Variants in CDKN1A observed in about 807,000 individuals in gnomAD.
The protein encoded by CDKN1A is cyclin-dependent kinase inhibitor 1.
In CDKN1A, 14 loss-of-function variants were observed where a neutral mutation model predicts 14.8. The observed-to-expected ratio is 0.94, with a 90% CI of 0.62 to 1.48. The LOEUF is 1.48. Ranked by LOEUF, CDKN1A falls within the 40% of genes most tolerant of loss-of-function variation. The pLI is 0.00. For missense variants in CDKN1A, 203 were observed against 231.7 expected, an observed-to-expected ratio of 0.88 and a Z score of 0.80; for synonymous variants, 92 against 93.5, an observed-to-expected ratio of 0.98 and a Z score of 0.09.
Position 36,678,874 on chromosome 6 carries a change from C to G in CDKN1A, c.-6+76C>G. On this transcript the variant is annotated intron_variant, in intron 1 of 2. Coordinates refer to ENST00000244741, the MANE Select transcript of CDKN1A (RefSeq NM_000389.5). The surrounding 1 kb of genome is among the most constrained non-coding windows in gnomAD (Gnocchi z 5.7). ...CCGAGCCAAGCGTGCCCGCGTGTGT[C>G]CCTGCGTGTCCGCGAGGATGCGTGT... is the stretch of plus-strand genomic sequence containing the variant. 1.0e-6 allele frequency: 1 copy of G among 985,774 alleles called. No individual in the cohort carries two copies. The highest frequency in any genetic ancestry group is 1.2e-6 in the Non-Finnish European group (1 of 830,176). The allele number at this position is 985,774 out of a possible 1,614,324, so 61.1% of individuals were successfully genotyped here.
In CDKN1A at chr6:36,684,431, T is replaced by C. The variant is rs1449350765; in HGVS notation, c.330T>C (p.His110=). ...TGCAGGGGACAGCAGAGGAAGACCA[T>C]GTGGACCTGTCACTGTCTTGTACCC... is the stretch of plus-strand genomic sequence containing the variant. ...ALLQGTAEED[H]VDLSLSCTLV... Residue 110 remains histidine (H), a synonymous_variant, in exon 2 of 3, where the codon CAT becomes CAC. Coordinates refer to ENST00000244741, the MANE Select transcript of CDKN1A (RefSeq NM_000389.5). This position sits in a 1 kb window ranked among gnomAD's most constrained non-coding sequence, Gnocchi z 6.0. The C allele has an allele frequency of 1.9e-6, 3 of 1,613,762 alleles. No homozygotes were observed. The highest frequency in any genetic ancestry group is 2.5e-6 in the Non-Finnish European group (3 of 1,179,938).
At position 36,683,233 on chromosome 6, in the gene CDKN1A, C is replaced by G. The variant is rs1190319516; in HGVS notation, c.-5-864C>G. Among the ~76,000 whole-genome samples the G allele has an allele frequency of 2.0e-5, 3 of 152,308 alleles. No homozygotes were observed. In the East Asian group the frequency reaches 5.8e-4, roughly 29 times the overall value. On this transcript the variant is annotated intron_variant, in intron 1 of 2. Transcript: ENST00000244741. Reference sequence around the variant, plus strand: ...TCTGAGACAGTCACTATTACTATCCCCATTTTATAGATGAGGAAACTAGAG... The same window carrying G: ...TCTGAGACAGTCACTATTACTATCCGCATTTTATAGATGAGGAAACTAGAG...
intron 1 of CDKN1A, among the ~76,000 whole-genome samples, chr6:36,681,293 T>G (rs867702416): frequency 8.6e-6 from 1 of 115,694 alleles, no homozygotes; most frequent in African/African-American, 3.3e-5. Flanking sequence ...TCTTTCTTTC[T>G]TTCTTTCTTT....
Position 36,687,164 on chromosome 6 carries a change from G to T in CDKN1A, c.*1364G>T, listed in dbSNP as rs1324648171. ...TCCAGCTCCTGTAACATACTGGCCT[G>T]GACTGTTTTCTCTCGGCTCCCCATG... On this transcript the variant is annotated 3_prime_UTR_variant, in exon 3 of 3. Transcript: ENST00000244741. 1 of 233,256 alleles carries T rather than the reference G, an allele frequency of 4.3e-6. No homozygotes were observed. Among genetic ancestry groups the T allele is most frequent in the Non-Finnish European group, 8.5e-6 (1 of 118,220 alleles). 14.4% of individuals were successfully genotyped at this position (233,256 alleles called of 1,614,324 possible).
In CDKN1A at chr6:36,684,031, C is replaced by A; in HGVS notation, c.-5-66C>A. On this transcript the variant is annotated intron_variant, in intron 1 of 2. Transcript: ENST00000244741. The surrounding 1 kb of genome is among the most constrained non-coding windows in gnomAD (Gnocchi z 6.0). ...CGTCACCTGAGGTGACACAGCAAAGCCCGGCCAGGTAACATAGTGTCTAAT... is the reference window on the plus strand; with the variant it reads ...CGTCACCTGAGGTGACACAGCAAAGACCGGCCAGGTAACATAGTGTCTAAT... 6.7e-7 allele frequency: 1 copy of A among 1,502,782 alleles called. No individual in the cohort carries two copies. The highest frequency in any genetic ancestry group is 9.1e-7 in the Non-Finnish European group (1 of 1,097,488). 93.1% of individuals were successfully genotyped at this position (1,502,782 alleles called of 1,614,324 possible).
Position 36,687,278 on chromosome 6 carries a change from T to C in CDKN1A, c.*1478T>C, listed in dbSNP as rs941154808. 14 of 233,026 alleles carry C rather than the reference T, an allele frequency of 6.0e-5. No individual in the cohort carries two copies. The highest frequency in any genetic ancestry group is 1.1e-4 in the Non-Finnish European group (13 of 117,916). The allele number at this position is 233,026 out of a possible 1,614,324, so 14.4% of individuals were successfully genotyped here. A position where few individuals can be genotyped will look rare whatever the true frequency, so the allele number is the denominator to read the frequency against. On this transcript the variant is annotated 3_prime_UTR_variant, in exon 3 of 3. Coordinates refer to ENST00000244741, the MANE Select transcript of CDKN1A (RefSeq NM_000389.5). ...ACTGTTCTGTGTCTTTCACAGCTCC[T>C]CCCACAATGCTGAATATACAGCAGG...
At chr6:36,681,379 TTC>T (rs1562038361) in intron 1 of CDKN1A, among the ~76,000 whole-genome samples, 2 of 90,876 alleles carry the variant, frequency 2.2e-5, no homozygotes, top group South Asian at 3.9e-4. Flanking sequence ...CTTTCTTTCT[TTC>T]TTTCTTTCTT....
intron 1 of CDKN1A, among the ~76,000 whole-genome samples, chr6:36,682,177 C>T (rs142071403): frequency 1.3e-5 from 2 of 152,336 alleles, no homozygotes; most frequent in Middle Eastern, 3.4e-3. Context: ...CACTTATGAA[C>T]TGTGTGATGT....
rs1378686749 is a variant in CDKN1A, at chr6:36,684,117, G to A, written c.16G>A (p.Gly6Arg). The change falls in exon 2 of 3, where the codon GGG (glycine) becomes AGG (arginine). Residue 6 changes from glycine (G) to arginine (R), a missense_variant. Transcript: ENST00000244741. The surrounding 1 kb of genome is among the most constrained non-coding windows in gnomAD (Gnocchi z 6.0). The stretch of plus-strand genomic sequence containing the variant: ...TGCAGGCGCCATGTCAGAACCGGCT[G>A]GGGATGTCCGTCAGAACCCATGCGG... Reference protein sequence around the residue: MSEPAGDVRQNPCGSK... With the variant: MSEPARDVRQNPCGSK... 9 of 1,613,282 alleles carry A rather than the reference G, an allele frequency of 5.6e-6. No homozygotes were observed. The highest frequency in any genetic ancestry group is 1.7e-4 in the Middle Eastern group (1 of 6,060).
At position 36,685,885 on chromosome 6, in the gene CDKN1A, T is replaced by C; in HGVS notation, c.*85T>C. ...TCTTCTGCCTTAGTCTCAGTTTGTG[T>C]GTCTTAATTATTATTTGTGTTTTAA... On this transcript the variant is annotated 3_prime_UTR_variant, in exon 3 of 3. Coordinates refer to ENST00000244741, the MANE Select transcript of CDKN1A (RefSeq NM_000389.5). The C allele has an allele frequency of 7.9e-7, 1 of 1,259,822 alleles. No homozygotes were observed. Among genetic ancestry groups the C allele is most frequent in the Non-Finnish European group, 1.2e-6 (1 of 860,768 alleles). The allele number at this position is 1,259,822 out of a possible 1,614,324, so 78.0% of individuals were successfully genotyped here. A position where few individuals can be genotyped will look rare whatever the true frequency, so the allele number is the denominator to read the frequency against.
In CDKN1A at chr6:36,685,852, G is replaced by A. The variant is rs575815855; in HGVS notation, c.*52G>A. 68 of 1,461,398 alleles carry A rather than the reference G, an allele frequency of 4.7e-5. No individual in the cohort carries two copies. The highest frequency in any genetic ancestry group is 5.8e-5 in the Non-Finnish European group (60 of 1,041,796). 90.5% of individuals were successfully genotyped at this position (1,461,398 alleles called of 1,614,324 possible). A position where few individuals can be genotyped will look rare whatever the true frequency, so the allele number is the denominator to read the frequency against. On this transcript the variant is annotated 3_prime_UTR_variant, in exon 3 of 3. Transcript: ENST00000244741. ...GGAAGCGCGAGGGCCTCAAAGGCCCGCTCTACATCTTCTGCCTTAGTCTCA... is the reference window on the plus strand; with the variant it reads ...GGAAGCGCGAGGGCCTCAAAGGCCCACTCTACATCTTCTGCCTTAGTCTCA...
rs45587937 is a variant in CDKN1A, at chr6:36,682,801, G to T, written c.-5-1296G>T. On this transcript the variant is annotated intron_variant, in intron 1 of 2. Coordinates refer to ENST00000244741, the MANE Select transcript of CDKN1A (RefSeq NM_000389.5). ...CCTCTCCTGAAGGGGGAGGAGAGGA[G>T]CCAGGTAGACCAGCCACCTTTAATT... 9.3e-3 allele frequency: 1,418 copies of T among 152,382 alleles called. 13 individuals carry two copies. The highest frequency in any genetic ancestry group is 0.015 in the Non-Finnish European group (1,020 of 68,054). 9.4% of individuals were successfully genotyped at this position (152,382 alleles called of 1,614,324 possible). A position where few individuals can be genotyped will look rare whatever the true frequency, so the allele number is the denominator to read the frequency against.
chr6:36,677,831 C>T (rs185125146), upstream of CDKN1A: 8 of 1,348,578 alleles, frequency 5.9e-6, no homozygotes, highest in African/African-American at 5.8e-5. Context: ...GCAGTGTATA[C>T]GGGCTATGTG....
chr6:36,677,445 A>G (rs1378418923), upstream of CDKN1A, among the ~76,000 whole-genome samples: 2 of 152,138 alleles, frequency 1.3e-5, no homozygotes, highest in Non-Finnish European at 2.9e-5. Flanking sequence ...TTCTGTTCAG[A>G]TGAACAATCC....
chr6:36,687,263 G>A lies in CDKN1A; in HGVS notation c.*1463G>A. 1 of 233,022 alleles carries A rather than the reference G, an allele frequency of 4.3e-6. No homozygotes were observed. 14.4% of individuals were successfully genotyped at this position (233,022 alleles called of 1,614,324 possible). A position where few individuals can be genotyped will look rare whatever the true frequency, so the allele number is the denominator to read the frequency against. ...GGGACCACACCCTGTACTGTTCTGT[G>A]TCTTTCACAGCTCCTCCCACAATGC... On this transcript the variant is annotated 3_prime_UTR_variant, in exon 3 of 3. Transcript: ENST00000244741.
chr6:36,685,614 A>G (rs1268617244), intron 2 of CDKN1A, 137 bp from the exon 3 acceptor site: 17 of 834,448 alleles, frequency 2.0e-5, no homozygotes, highest in African/African-American at 5.0e-5. Context: ...ACGTTCCCCG[A>G]GTTCTTCCTG....
At chr6:36,681,411 T>TC (rs1554185414) in intron 1 of CDKN1A, among the ~76,000 whole-genome samples, 1 of 88,788 alleles carries the variant, frequency 1.1e-5, no homozygotes, top group Non-Finnish European at 2.3e-5. Context: ...CTTTCTTCCT[T>TC]TCTCTTTCTC....
chr6:36,677,773 C>T (rs1160157726), upstream of CDKN1A: 8 of 774,624 alleles, frequency 1.0e-5, no homozygotes, highest in African/African-American at 1.7e-5. Context: ...TTCTTTGCTG[C>T]ATGATCTGAG....
Position 36,678,805 on chromosome 6 carries a change from G to C in CDKN1A, c.-6+7G>C. 1 of 985,774 alleles carries C rather than the reference G, an allele frequency of 1.0e-6. No individual in the cohort carries two copies. Among genetic ancestry groups the C allele is most frequent in the Non-Finnish European group, 1.2e-6 (1 of 830,180 alleles). The allele number at this position is 985,774 out of a possible 1,614,324, so 61.1% of individuals were successfully genotyped here. On this transcript the variant is annotated splice_region_variant and intron_variant, in intron 1 of 2. Coordinates refer to ENST00000244741, the MANE Select transcript of CDKN1A (RefSeq NM_000389.5). The surrounding 1 kb of genome is among the most constrained non-coding windows in gnomAD (Gnocchi z 5.7). ...ACCGAGGCACTCAGAGGAGGTGAGAGAGCGGCGGCAGACAACAGGGGACCC... is the reference window on the plus strand; with the variant it reads ...ACCGAGGCACTCAGAGGAGGTGAGACAGCGGCGGCAGACAACAGGGGACCC...
Sources: gnomAD v4.1 joint callset for allele counts (sites outside exome capture counted in the v4.1 genomes callset) on GRCh38, gnomAD v4.1.1 for gene constraint, Gnocchi (gnomAD v3.1) non-coding constraint, MANE v1.5 for transcripts, NCBI Gene and HGNC (gene_info 2026-07-23, HGNC 2026-07-21) for gene names.